DLGAP1: variants seen among roughly 807,000 people sequenced by gnomAD.
The protein encoded by DLGAP1 is disks large-associated protein 1.
In DLGAP1, 11 loss-of-function variants were observed where a neutral mutation model predicts 90.8. The ratio of observed to expected loss-of-function variants is 0.12; its 90% CI spans 0.08 to 0.20. The LOEUF (loss-of-function observed/expected upper bound fraction) is 0.20. Ranked by LOEUF, DLGAP1 falls within the 10% of genes least tolerant of loss-of-function variation. The pLI is 1.00. For missense variants in DLGAP1, 1,050 were observed against 1,333.8 expected, an observed-to-expected ratio of 0.79 and a Z score of 3.31; for synonymous variants, 558 against 540.7, an observed-to-expected ratio of 1.03 and a Z score of -0.44.
intron 3 of DLGAP1, among the ~76,000 whole-genome samples, chr18:3,934,544 T>C (rs773515588): frequency 2.6e-5 from 4 of 152,042 alleles, no homozygotes; most frequent in Non-Finnish European, 5.9e-5. Flanking sequence ...ATACGTATTA[T>C]AGGGAAGGGG....
At chr18:4,141,729 C>T (rs1389449847) in intron 2 of DLGAP1, among the ~76,000 whole-genome samples, 1 of 151,596 alleles carries the variant, frequency 6.6e-6, no homozygotes, top group Admixed American at 6.6e-5. Flanking sequence ...CTTTCTTCTG[C>T]TTGATCAATT....
At chr18:4,308,515 G>C (rs942071276) in intron 1 of DLGAP1, among the ~76,000 whole-genome samples, 3 of 152,008 alleles carry the variant, frequency 2.0e-5, no homozygotes, top group African/African-American at 7.2e-5. Context: ...CTCCAATTAT[G>C]GAAAGAATTA....
At chr18:3,930,692 C>T (rs899584867) in intron 3 of DLGAP1, among the ~76,000 whole-genome samples, 2 of 152,118 alleles carry the variant, frequency 1.3e-5, no homozygotes, top group African/African-American at 4.8e-5. Context: ...AGGGACAGAA[C>T]CTTGAGGGCC....
At chr18:4,088,722 G>A (rs6506179) in intron 2 of DLGAP1, among the ~76,000 whole-genome samples, 39,421 of 151,884 alleles carry the variant, frequency 0.26, 5,407 homozygotes, top group Non-Finnish European at 0.31. Flanking sequence ...CAATAGACAC[G>A]GAAAAGGCCT....
intron 1 of DLGAP1, among the ~76,000 whole-genome samples, chr18:4,350,114 G>C (rs1224455771): frequency 6.6e-6 from 1 of 152,076 alleles, no homozygotes; most frequent in East Asian, 1.9e-4. Flanking sequence ...CTTCTTCAAT[G>C]CCTCTGCTGA....
intron 1 of DLGAP1, among the ~76,000 whole-genome samples, chr18:4,369,014 C>A (rs1276041488): frequency 6.6e-6 from 1 of 152,090 alleles, no homozygotes; most frequent in Admixed American, 6.5e-5. Context: ...ACACAGCTAA[C>A]CAGCATCCTA....
chr18:3,760,971 C>G (rs1017524961), intron 5 of DLGAP1, among the ~76,000 whole-genome samples: 15 of 152,174 alleles, frequency 9.9e-5, no homozygotes, highest in African/African-American at 3.6e-4. Flanking sequence ...ACAGCTTCCT[C>G]TTTAAAACAG....
intron 3 of DLGAP1, among the ~76,000 whole-genome samples, chr18:3,916,827 G>A (rs2072155204): frequency 6.6e-6 from 1 of 152,168 alleles, no homozygotes; most frequent in African/African-American, 2.4e-5. Flanking sequence ...AGGGTGGAAA[G>A]GGTAGGAAGA....
chr18:3,920,276 G>C (rs1397052199), intron 3 of DLGAP1, among the ~76,000 whole-genome samples: 3 of 148,954 alleles, frequency 2.0e-5, no homozygotes, highest in African/African-American at 7.4e-5. Flanking sequence ...CTGGGAAGCA[G>C]AGGTTGCAGT....
chr18:4,122,010 T>C (rs960311521), intron 2 of DLGAP1, among the ~76,000 whole-genome samples: 2 of 152,178 alleles, frequency 1.3e-5, no homozygotes, highest in Non-Finnish European at 2.9e-5. Flanking sequence ...GAACCAAGGT[T>C]GTCTGACTCC....
At chr18:3,692,038 T>G (rs926555629) in intron 7 of DLGAP1, among the ~76,000 whole-genome samples, 1 of 152,266 alleles carries the variant, frequency 6.6e-6, no homozygotes, top group Admixed American at 6.5e-5. Context: ...TATTTTTCAC[T>G]GTATTTGCTT....
intron 1 of DLGAP1, among the ~76,000 whole-genome samples, chr18:4,257,492 T>C (rs2078912803): frequency 6.6e-6 from 1 of 152,254 alleles, no homozygotes; most frequent in Non-Finnish European, 1.5e-5. Flanking sequence ...AAAAACTTAT[T>C]TTAAAAACTT....
chr18:4,206,760 AC>A (rs1289073256), intron 1 of DLGAP1, among the ~76,000 whole-genome samples: 1 of 152,104 alleles, frequency 6.6e-6, no homozygotes, highest in East Asian at 1.9e-4. Flanking sequence ...AAATTCTGTT[AC>A]CTTCATTCAT....
intron 2 of DLGAP1, among the ~76,000 whole-genome samples, chr18:4,018,452 T>C (rs1200821330): frequency 2.0e-5 from 3 of 152,246 alleles, no homozygotes; most frequent in Non-Finnish European, 4.4e-5. Flanking sequence ...AGCTGAGAGC[T>C]GTCAGGTGCC....
At chr18:3,858,158 C>T (rs1330056725) in intron 4 of DLGAP1, among the ~76,000 whole-genome samples, 1 of 152,140 alleles carries the variant, frequency 6.6e-6, no homozygotes, top group Non-Finnish European at 1.5e-5. Context: ...CATTAATTAT[C>T]TCAGTTGGAA....
intron 2 of DLGAP1, among the ~76,000 whole-genome samples, chr18:4,117,420 CA>C (rs1451459127): frequency 6.6e-6 from 1 of 152,164 alleles, no homozygotes; most frequent in Non-Finnish European, 1.5e-5. Flanking sequence ...GCCCCTCCTC[CA>C]CCCCAGGGGG....
chr18:4,387,911 A>G (rs901274383), intron 1 of DLGAP1, among the ~76,000 whole-genome samples: 2 of 145,318 alleles, frequency 1.4e-5, no homozygotes, highest in East Asian at 4.2e-4. Flanking sequence ...AGCCTGGGTG[A>G]CAGAGACTCC....
At chr18:3,873,083 C>A (rs918988043) in intron 4 of DLGAP1, among the ~76,000 whole-genome samples, 5 of 152,182 alleles carry the variant, frequency 3.3e-5, no homozygotes, top group African/African-American at 1.2e-4. Context: ...AGAAGGCTTT[C>A]CTATATATTT....
chr18:3,905,736 T>A (rs975439531), intron 3 of DLGAP1, among the ~76,000 whole-genome samples: 3 of 152,180 alleles, frequency 2.0e-5, no homozygotes, highest in Admixed American at 1.3e-4. Flanking sequence ...TGTCAGAAGA[T>A]CCCCAAAGTG....
Sources: allele counts gnomAD v4.1 joint callset (sites outside exome capture counted in the v4.1 genomes callset), GRCh38; gene constraint gnomAD v4.1.1; transcripts MANE v1.5; gene names NCBI Gene and HGNC (gene_info 2026-07-23, HGNC 2026-07-21).